Variants in TAFA1 observed in about 807,000 individuals in gnomAD.
TAFA1 encodes TAFA chemokine like family member 1, also known as chemokine-like protein TAFA-1.
A neutral mutation model predicts 18.5 loss-of-function variants in TAFA1; 4 were observed. The observed-to-expected ratio is 0.22, with a 90% CI of 0.11 to 0.49. The LOEUF (loss-of-function observed/expected upper bound fraction) is 0.49. TAFA1 is among the 20% of genes least tolerant of loss of function. TAFA1 has a pLI of 0.98. For synonymous variants in TAFA1, 56 were observed against 55.2 expected (o/e 1.01, Z -0.06); for missense variants, 147 against 169.0 (o/e 0.87, Z 0.72).
upstream of TAFA1, among the ~76,000 whole-genome samples, chr3:68,001,578 TG>T (rs1271049290): frequency 3.4e-5 from 5 of 147,836 alleles, no homozygotes; most frequent in African/African-American, 1.3e-4. Context: ...TTGTTGTTGT[TG>T]TTTTTTTTTT....
At chr3:68,371,466 A>C (rs1234584723) in intron 2 of TAFA1, among the ~76,000 whole-genome samples, 1 of 152,158 alleles carries the variant, frequency 6.6e-6, no homozygotes, top group Non-Finnish European at 1.5e-5. Flanking sequence ...TGTGAGCAAG[A>C]ACATGAGGTG....
chr3:68,390,184 A>T (rs375355221), intron 2 of TAFA1, among the ~76,000 whole-genome samples: 20 of 152,124 alleles, frequency 1.3e-4, no homozygotes, highest in African/African-American at 4.8e-4. Flanking sequence ...GGCGTCCGCC[A>T]TTACTGAGGC....
At chr3:68,150,188 C>A (rs1042108143) in intron 2 of TAFA1, among the ~76,000 whole-genome samples, 7 of 152,166 alleles carry the variant, frequency 4.6e-5, no homozygotes, top group Admixed American at 2.0e-4. Flanking sequence ...TTTTACCAGT[C>A]ATGTAATTCA....
At chr3:68,461,153 A>G (rs1183765741) in intron 3 of TAFA1, among the ~76,000 whole-genome samples, 1 of 151,704 alleles carries the variant, frequency 6.6e-6, no homozygotes, top group Admixed American at 6.6e-5. Flanking sequence ...GTTGTGATGC[A>G]TGTTTGTAAT....
At chr3:68,073,642 A>G (rs139239809) in intron 2 of TAFA1, among the ~76,000 whole-genome samples, 1 of 152,216 alleles carries the variant, frequency 6.6e-6, no homozygotes, top group Admixed American at 6.5e-5. Flanking sequence ...TATTTAAAAG[A>G]TAAGTATTGC....
intron 2 of TAFA1, among the ~76,000 whole-genome samples, chr3:68,369,188 C>T (rs1210103396): frequency 2.5e-5 from 3 of 118,842 alleles, no homozygotes; most frequent in Non-Finnish European, 5.2e-5. Context: ...TTGGTGCAGG[C>T]ACACACACAC....
At chr3:68,454,002 G>A (rs950185814) in intron 3 of TAFA1, among the ~76,000 whole-genome samples, 7 of 152,152 alleles carry the variant, frequency 4.6e-5, no homozygotes, top group Non-Finnish European at 1.0e-4. Flanking sequence ...TGCACATCCC[G>A]TGGAAGTTGA....
At chr3:68,523,096 A>G (rs1228033534) in intron 3 of TAFA1, among the ~76,000 whole-genome samples, 2 of 152,192 alleles carry the variant, frequency 1.3e-5, no homozygotes, top group African/African-American at 4.8e-5. Flanking sequence ...ATAAATAAAT[A>G]AAGCACTTGA....
chr3:68,498,662 T>C (rs2072595432), intron 3 of TAFA1, among the ~76,000 whole-genome samples: 2 of 149,008 alleles, frequency 1.3e-5, no homozygotes, highest in Admixed American at 1.4e-4. Context: ...CTGATTCAAG[T>C]AGAGGATTAG....
intron 2 of TAFA1, among the ~76,000 whole-genome samples, chr3:68,382,520 G>A (rs1189753631): frequency 6.6e-6 from 1 of 152,034 alleles, no homozygotes; most frequent in African/African-American, 2.4e-5. Flanking sequence ...TCAAAGATGA[G>A]ATTATTATCG....
intron 2 of TAFA1, among the ~76,000 whole-genome samples, chr3:68,097,370 A>G (rs1213841861): frequency 6.6e-6 from 1 of 152,158 alleles, no homozygotes; most frequent in East Asian, 1.9e-4. Flanking sequence ...CTTATGTGAG[A>G]GTAAACAAAA....
the TAFA1 span, among the ~76,000 whole-genome samples, chr3:67,994,580 G>A: frequency 2.6e-5 from 4 of 152,104 alleles, no homozygotes; most frequent in South Asian, 6.2e-4. Flanking sequence ...CTTTCAGATT[G>A]GTTTGATTCA....
intron 2 of TAFA1, among the ~76,000 whole-genome samples, chr3:68,015,305 A>G (rs1704547732): frequency 9.1e-6 from 1 of 110,052 alleles, no homozygotes; most frequent in African/African-American, 3.6e-5. Flanking sequence ...TTTTTTTTTG[A>G]GACGTAGTTT....
chr3:68,066,061 G>T (rs1448918395), intron 2 of TAFA1, among the ~76,000 whole-genome samples: 2 of 152,136 alleles, frequency 1.3e-5, no homozygotes, highest in African/African-American at 4.8e-5. Context: ...CAGATCAGTA[G>T]TTACTTGGGA....
At chr3:68,405,699 C>CCAAAAAAAAAAAAAAAAAAAAAAA (rs1559655011) in intron 2 of TAFA1, among the ~76,000 whole-genome samples, 1 of 32,850 alleles carries the variant, frequency 3.0e-5, no homozygotes, top group Non-Finnish European at 7.8e-5. Context: ...GACTCTATCT[C>CCAAAAAAAAAAAAAAAAAAAAAAA]AAAAAAAAAA....
chr3:68,283,451 A>G (rs2067938732), intron 2 of TAFA1, among the ~76,000 whole-genome samples: 1 of 152,338 alleles, frequency 6.6e-6, no homozygotes, highest in South Asian at 2.1e-4. Flanking sequence ...TAATTTTTAT[A>G]TCTCTAAATC....
chr3:68,177,813 T>C (rs1366816113), intron 2 of TAFA1, among the ~76,000 whole-genome samples: 1 of 152,180 alleles, frequency 6.6e-6, no homozygotes, highest in Non-Finnish European at 1.5e-5. Context: ...CTGATGGTAA[T>C]AATAGTAGAT....
chr3:68,145,239 G>A (rs61739210), intron 2 of TAFA1: 20,951 of 788,776 alleles, frequency 0.027, 409 homozygotes, highest in East Asian at 0.098. Flanking sequence ...TCAGTAGGAC[G>A]AAGAGTCTGG....
At chr3:68,095,925 A>C (rs942172896) in intron 2 of TAFA1, among the ~76,000 whole-genome samples, 1 of 152,164 alleles carries the variant, frequency 6.6e-6, no homozygotes, top group Admixed American at 6.6e-5. Flanking sequence ...GCTATCCATC[A>C]CCAGAAGCAT....
Sources: allele counts gnomAD v4.1 joint callset (sites outside exome capture counted in the v4.1 genomes callset), GRCh38; gene constraint gnomAD v4.1.1; transcripts MANE v1.5; gene names NCBI Gene and HGNC (gene_info 2026-07-23, HGNC 2026-07-21).